Variants in ZC3H12C observed in about 807,000 individuals in gnomAD.
ZC3H12C encodes the protein zinc finger CCCH-type containing 12C, also known as probable ribonuclease ZC3H12C.
A neutral mutation model predicts 76.3 loss-of-function variants in ZC3H12C; 20 were observed. The observed-to-expected ratio is 0.26, with a 90% CI of 0.18 to 0.38. ZC3H12C has a LOEUF of 0.38. Ranked by LOEUF, ZC3H12C falls within the 10% of genes least tolerant of loss-of-function variation. The pLI is 1.00. For synonymous variants in ZC3H12C, 352 were observed against 399.6 expected (o/e 0.88, Z 1.42); for missense variants, 874 against 1,086.5 (o/e 0.80, Z 2.75).
chr11:110,101,187 A>G (rs150355853), intron 1 of ZC3H12C, among the ~76,000 whole-genome samples: 1 of 152,312 alleles, frequency 6.6e-6, no homozygotes, highest in African/African-American at 2.4e-5. Flanking sequence ...CCCTAGTTCT[A>G]TGAAGGCTAA....
At chr11:110,147,945 C>T (rs555772394) in intron 2 of ZC3H12C, among the ~76,000 whole-genome samples, 4 of 152,260 alleles carry the variant, frequency 2.6e-5, no homozygotes, top group East Asian at 3.9e-4. Context: ...AAGTTATCTC[C>T]AGAACCTGTA....
At chr11:110,117,748 A>G (rs1861558668) in intron 1 of ZC3H12C, among the ~76,000 whole-genome samples, 1 of 106,586 alleles carries the variant, frequency 9.4e-6, no homozygotes, top group Non-Finnish European at 1.9e-5. Context: ...ACACATATAT[A>G]TATTATATAT....
Position 110,171,224 on chromosome 11 carries a change from C to T in ZC3H12C, c.*5487C>T, listed in dbSNP as rs1291090008. The T allele has an allele frequency of 3.9e-5, 6 of 152,092 alleles. No individual in the cohort carries two copies. In the East Asian group the frequency reaches 1.2e-3, roughly 29 times the overall value. The allele number at this position is 152,092 out of a possible 1,614,324, so 9.4% of individuals were successfully genotyped here. On this transcript the variant is annotated 3_prime_UTR_variant, in exon 6 of 6. Transcript: ENST00000278590. ...TTTATGAAGAATAGGTGTTCAGATTCCTTCAGTTTTTTTGAAATTAGAAAT... is the reference window on the plus strand; with the variant it reads ...TTTATGAAGAATAGGTGTTCAGATTTCTTCAGTTTTTTTGAAATTAGAAAT...
intron 1 of ZC3H12C, chr11:110,131,797 T>C (rs561702645): frequency 6.6e-6 from 1 of 152,348 alleles, no homozygotes; most frequent in East Asian, 1.9e-4. Flanking sequence ...AGAAAGAGCA[T>C]AAAGGGTTAA....
At chr11:110,131,135 G>A (rs1301306198) in intron 1 of ZC3H12C, 10 of 1,487,564 alleles carry the variant, frequency 6.7e-6, no homozygotes, top group Non-Finnish European at 9.1e-7. Flanking sequence ...TTAATGCCTT[G>A]GAAGTTAAAC....
At position 110,143,066 on chromosome 11, in the gene ZC3H12C, G is replaced by A. The variant is rs143111675; in HGVS notation, c.773+5652G>A. On this transcript the variant is annotated intron_variant, in intron 2 of 5. Coordinates refer to ENST00000278590, the MANE Select transcript of ZC3H12C (RefSeq NM_033390.2). ...AAAAGAGATCAGAGACAATAACGTT[G>A]AGTAGCTATAAGAATAACAAAATAG... 3.0e-3 allele frequency among the ~76,000 whole-genome samples: 459 copies of A among 152,236 alleles called. 4 individuals are homozygous for A. Among genetic ancestry groups the A allele is most frequent in the African/African-American group, 0.01 (430 of 41,534 alleles).
In ZC3H12C at chr11:110,170,924, T is replaced by G. The variant is rs577544459; in HGVS notation, c.*5187T>G. On this transcript the variant is annotated 3_prime_UTR_variant, in exon 6 of 6. Coordinates refer to ENST00000278590, the MANE Select transcript of ZC3H12C (RefSeq NM_033390.2). Reference sequence around the variant, plus strand: ...ATTATTACTCCTGTTGCAGTGTTACTGTTATGTATTAGAAGTGGCTTTTCC... The same window carrying G: ...ATTATTACTCCTGTTGCAGTGTTACGGTTATGTATTAGAAGTGGCTTTTCC... 2 of 152,362 alleles carry G rather than the reference T, an allele frequency of 1.3e-5. No homozygotes were observed. Among genetic ancestry groups the G allele is most frequent in the East Asian group, 3.9e-4 (2 of 5,192 alleles). The allele number at this position is 152,362 out of a possible 1,614,324, so 9.4% of individuals were successfully genotyped here. A position where few individuals can be genotyped will look rare whatever the true frequency, so the allele number is the denominator to read the frequency against.
intron 1 of ZC3H12C, among the ~76,000 whole-genome samples, chr11:110,125,352 C>T (rs1861723856): frequency 1.3e-5 from 2 of 151,400 alleles, no homozygotes; most frequent in Non-Finnish European, 2.9e-5. Context: ...GATGGAGTCT[C>T]GCTCTGTCAT....
Position 110,164,455 on chromosome 11 carries a change from A to C in ZC3H12C, c.1370A>C (p.Lys457Thr), listed in dbSNP as rs1356856053. 1 of 1,613,922 alleles carries C rather than the reference A, an allele frequency of 6.2e-7. No homozygotes were observed. The highest frequency in any genetic ancestry group is 8.5e-7 in the Non-Finnish European group (1 of 1,179,918). The change falls in exon 6 of 6, where the codon AAA becomes ACA. Residue 457 changes from lysine (K) to threonine (T), a missense_variant. Lys to Thr is a moderately conservative substitution (Grantham distance 78). Coordinates refer to ENST00000278590, the MANE Select transcript of ZC3H12C (RefSeq NM_033390.2). This position sits in a 1 kb window ranked among gnomAD's most constrained non-coding sequence, Gnocchi z 5.7. ...LRAMSRNTAA[K>T]TANEGGLVKS... is the part of the protein sequence containing the mutation. ...GCCATGTCTAGAAATACGGCAGCCA[A>C]AACTGCAAACGAAGGAGGACTGGTG... is the stretch of plus-strand genomic sequence containing the variant.
At chr11:110,148,437 G>A (rs938718959) in intron 2 of ZC3H12C, among the ~76,000 whole-genome samples, 5 of 152,196 alleles carry the variant, frequency 3.3e-5, no homozygotes, top group African/African-American at 1.2e-4. Flanking sequence ...CCTTCAATGA[G>A]TTACCCATTT....
chr11:110,095,573 T>TTGA (rs1861098475), intron 1 of ZC3H12C, among the ~76,000 whole-genome samples: 1 of 152,240 alleles, frequency 6.6e-6, no homozygotes, highest in Admixed American at 6.5e-5. Context: ...TTCTGTTCTC[T>TTGA]CTGCAAATAA....
At chr11:110,126,821 GAATA>G (rs1861757094) in intron 1 of ZC3H12C, among the ~76,000 whole-genome samples, 1 of 151,920 alleles carries the variant, frequency 6.6e-6, no homozygotes, top group Non-Finnish European at 1.5e-5. Flanking sequence ...ATATTTTAAT[GAATA>G]AATACACTAA....
At chr11:110,132,552 T>A (rs138314861) in intron 1 of ZC3H12C, among the ~76,000 whole-genome samples, 11 of 152,304 alleles carry the variant, frequency 7.2e-5, no homozygotes, top group African/African-American at 2.6e-4. Flanking sequence ...AATTTATAGA[T>A]TTATAATTAT....
chr11:110,104,031 C>T (rs1169805342), intron 1 of ZC3H12C, among the ~76,000 whole-genome samples: 2 of 146,158 alleles, frequency 1.4e-5, no homozygotes, highest in Non-Finnish European at 3.0e-5. Context: ...CATAAGATTG[C>T]AGCAATTCAG....
intron 2 of ZC3H12C, among the ~76,000 whole-genome samples, chr11:110,149,993 C>T (rs1862241838): frequency 6.6e-6 from 1 of 151,912 alleles, no homozygotes. Context: ...TTTTTCTTTT[C>T]ATATTTAAAT....
chr11:110,144,705 A>G (rs1432039337), intron 2 of ZC3H12C, among the ~76,000 whole-genome samples: 2 of 152,244 alleles, frequency 1.3e-5, no homozygotes, highest in Non-Finnish European at 2.9e-5. Flanking sequence ...ATTATATAAT[A>G]TGCAAATTGT....
At chr11:110,101,097 G>T (rs1861205498) in intron 1 of ZC3H12C, among the ~76,000 whole-genome samples, 1 of 152,104 alleles carries the variant, frequency 6.6e-6, no homozygotes, top group South Asian at 2.1e-4. Flanking sequence ...TGTATTGCTG[G>T]TGATGGTCTG....
At chr11:110,131,881 A>T (rs1591472879) in intron 1 of ZC3H12C, among the ~76,000 whole-genome samples, 1 of 152,326 alleles carries the variant, frequency 6.6e-6, no homozygotes. Context: ...TTTTCCGAAG[A>T]TGGGCAGGCC....
At chr11:110,158,515 A>G (rs1053910855) in intron 3 of ZC3H12C, among the ~76,000 whole-genome samples, 1 of 151,984 alleles carries the variant, frequency 6.6e-6, no homozygotes, top group African/African-American at 2.4e-5. Context: ...GTCACAGAAA[A>G]AAAAAAAATC....
Sources: allele counts gnomAD v4.1 joint callset (sites outside exome capture counted in the v4.1 genomes callset), GRCh38; gene constraint gnomAD v4.1.1; non-coding constraint Gnocchi (gnomAD v3.1); transcripts MANE v1.5; gene names NCBI Gene and HGNC (gene_info 2026-07-23, HGNC 2026-07-21).